CTXND1: variants seen among roughly 807,000 people sequenced by gnomAD.
CTXND1 encodes cortexin domain containing 1.
intron 1 of CTXND1, among the ~76,000 whole-genome samples, chr15:80,243,879 A>G (rs960252179): frequency 2.0e-5 from 3 of 152,152 alleles, no homozygotes; most frequent in Non-Finnish European, 4.4e-5. Flanking sequence ...ATGGAAGAGC[A>G]TTTTGAATAA....
In CTXND1 at chr15:80,241,858, A is replaced by G. The variant is rs150209466; in HGVS notation, c.-218+10149T>C. ...AGAGAAGCAGAAATACCAAAGTCCA[A>G]TTCTTCCCATCCCACCCATAGAAAA... On this transcript the variant is annotated intron_variant, in intron 1 of 2. Transcript: ENST00000560778. Among the ~76,000 whole-genome samples, 549 of 152,312 alleles carry G rather than the reference A, an allele frequency of 3.6e-3. 4 individuals carry two copies. The highest frequency in any genetic ancestry group is 0.013 in the African/African-American group (528 of 41,574).
intron 1 of CTXND1, among the ~76,000 whole-genome samples, chr15:80,243,180 G>C (rs990253775): frequency 6.6e-6 from 1 of 152,194 alleles, no homozygotes; most frequent in African/African-American, 2.4e-5. Context: ...CCAGCTTTGG[G>C]AGTCTCAGGG....
intron 1 of CTXND1, among the ~76,000 whole-genome samples, chr15:80,208,634 C>A (rs1055612253): frequency 3.3e-5 from 5 of 152,162 alleles, no homozygotes; most frequent in African/African-American, 1.2e-4. Context: ...TAGAACCATT[C>A]CTCACACCCT....
chr15:80,201,855 A>C lies in CTXND1; in HGVS notation c.95T>G (p.Met32Arg), dbSNP rs767810333. The C allele has an allele frequency of 7.5e-6, 3 of 398,768 alleles. No individual in the cohort carries two copies. Among genetic ancestry groups the C allele is most frequent in the African/African-American group, 6.2e-5 (3 of 48,652 alleles). 24.7% of individuals were successfully genotyped at this position (398,768 alleles called of 1,614,324 possible). Residue 32 changes from methionine to arginine, a missense_variant, in exon 3 of 3, where the codon ATG (methionine) becomes AGG (arginine). By Grantham distance (91) the Met-to-Arg change is moderately conservative. Transcript: ENST00000560778. ...FVFLCLFLVV[M>R]IIRCAKVIMD... ...GATGACCTTGGCACAGCGGATGATCATCACGACAAGGAAGAGGCAGAGGAA... is the reference window on the plus strand; with the variant it reads ...GATGACCTTGGCACAGCGGATGATCCTCACGACAAGGAAGAGGCAGAGGAA...
At chr15:80,212,833 A>G (rs1427907391) in intron 1 of CTXND1, among the ~76,000 whole-genome samples, 1 of 152,200 alleles carries the variant, frequency 6.6e-6, no homozygotes, top group African/African-American at 2.4e-5. Flanking sequence ...CAGAAAACAT[A>G]CTGATAAAAC....
At position 80,201,707 on chromosome 15, in the gene CTXND1, G is replaced by A. The variant is rs1433101663; in HGVS notation, c.*63C>T. ...GATGGCAGGCTGGCAGGGAACACAC[G>A]GATGCATCCTGGGGCACAGCCACCC... is the stretch of plus-strand genomic sequence containing the variant. On this transcript the variant is annotated 3_prime_UTR_variant, in exon 3 of 3. Transcript: ENST00000560778. The A allele has an allele frequency of 4.0e-5, 16 of 398,204 alleles. No homozygotes were observed. The highest frequency in any genetic ancestry group is 3.6e-5 in the East Asian group (1 of 28,100). The allele number at this position is 398,204 out of a possible 1,614,324, so 24.7% of individuals were successfully genotyped here.
Position 80,235,423 on chromosome 15 carries a change from G to A in CTXND1, c.-218+16584C>T, listed in dbSNP as rs562490994. Among the ~76,000 whole-genome samples, 10 of 152,324 alleles carry A rather than the reference G, an allele frequency of 6.6e-5. No individual in the cohort carries two copies. In the South Asian group the frequency reaches 2.1e-3, roughly 32 times the overall value. On this transcript the variant is annotated intron_variant, in intron 1 of 2. Coordinates refer to ENST00000560778, the MANE Select transcript of CTXND1 (RefSeq NM_001352888.2). ...GGTGGAGTGCTGGCCAAGATGGCTG[G>A]CATCCTTGGCTTAGCATCTCCGAAA...
intron 1 of CTXND1, among the ~76,000 whole-genome samples, chr15:80,244,013 G>A (rs1896427): frequency 1.3e-5 from 2 of 152,196 alleles, no homozygotes; most frequent in African/African-American, 4.8e-5. Context: ...GTGGAGCCCA[G>A]GGCTCAGCCA....
At chr15:80,224,298 T>G (rs1315262423) in intron 1 of CTXND1, among the ~76,000 whole-genome samples, 1 of 152,208 alleles carries the variant, frequency 6.6e-6, no homozygotes, top group Non-Finnish European at 1.5e-5. Flanking sequence ...TGAGCCCACT[T>G]AACTCCCAGA....
chr15:80,238,668 A>G (rs1893531565), intron 1 of CTXND1, among the ~76,000 whole-genome samples: 1 of 151,956 alleles, frequency 6.6e-6, no homozygotes, highest in Admixed American at 6.6e-5. Context: ...GTAGAAATGG[A>G]GTTTCACCTT....
In CTXND1 at chr15:80,200,396, A is replaced by G. The variant is rs2041442741; in HGVS notation, c.*1374T>C. ...TTGGGGTCCTCTAACAAGGAAGTAG[A>G]GGAATTGGGACTTGGGGCCGGTTTT... On this transcript the variant is annotated 3_prime_UTR_variant, in exon 3 of 3. Transcript: ENST00000560778. The G allele has an allele frequency of 6.6e-6, 1 of 152,106 alleles. No homozygotes were observed. The highest frequency in any genetic ancestry group is 1.5e-5 in the Non-Finnish European group (1 of 68,062). 9.4% of individuals were successfully genotyped at this position (152,106 alleles called of 1,614,324 possible).
intron 1 of CTXND1, among the ~76,000 whole-genome samples, chr15:80,250,867 A>G (rs979942468): frequency 6.6e-6 from 1 of 152,174 alleles, no homozygotes; most frequent in African/African-American, 2.4e-5. Context: ...GATTATTACA[A>G]TTCCTCTCAA....
chr15:80,228,994 A>G (rs1042961579), intron 1 of CTXND1, among the ~76,000 whole-genome samples: 9 of 152,118 alleles, frequency 5.9e-5, no homozygotes, highest in African/African-American at 2.2e-4. Context: ...AACATTTTGG[A>G]TTTTCAGATT....
intron 1 of CTXND1, among the ~76,000 whole-genome samples, 192 bp downstream of exon 1, chr15:80,251,815 C>A (rs1430054044): frequency 6.6e-6 from 1 of 152,032 alleles, no homozygotes; most frequent in African/African-American, 2.4e-5. Flanking sequence ...GCAGTGCCGC[C>A]GAGGAGGGGA....
intron 1 of CTXND1, among the ~76,000 whole-genome samples, chr15:80,237,396 G>C (rs1893514758): frequency 6.6e-6 from 1 of 151,588 alleles, no homozygotes; most frequent in Admixed American, 6.6e-5. Flanking sequence ...AATAGCTTCA[G>C]GCAGGTCCTT....
At chr15:80,247,417 C>G (rs1893645117) in intron 1 of CTXND1, among the ~76,000 whole-genome samples, 2 of 152,008 alleles carry the variant, frequency 1.3e-5, no homozygotes, top group African/African-American at 2.4e-5. Context: ...TTGCTGGTCT[C>G]CATTGGAGGC....
At chr15:80,216,902 A>T (rs935704757) in intron 1 of CTXND1, among the ~76,000 whole-genome samples, 1 of 152,120 alleles carries the variant, frequency 6.6e-6, no homozygotes, top group African/African-American at 2.4e-5. Flanking sequence ...GGTGTGAGCC[A>T]CCGTGCCTGG....
In CTXND1 at chr15:80,201,472, A is replaced by C. The variant is rs1595902435; in HGVS notation, c.*298T>G. 3.6e-6 allele frequency: 1 copy of C among 280,716 alleles called. No individual in the cohort carries two copies. Among genetic ancestry groups the C allele is most frequent in the Admixed American group, 5.3e-5 (1 of 18,968 alleles). 17.4% of individuals were successfully genotyped at this position (280,716 alleles called of 1,614,324 possible). A position where few individuals can be genotyped will look rare whatever the true frequency, so the allele number is the denominator to read the frequency against. The stretch of plus-strand genomic sequence containing the variant: ...CCAAAAGGTGCCCAGGAACCTGGGA[A>C]GGTGACTACCCTATCATCTCACAGG... On this transcript the variant is annotated 3_prime_UTR_variant, in exon 3 of 3. Transcript: ENST00000560778.
chr15:80,234,659 G>GTA (rs1312958290), intron 1 of CTXND1, among the ~76,000 whole-genome samples: 3 of 152,054 alleles, frequency 2.0e-5, no homozygotes, highest in Non-Finnish European at 4.4e-5. Flanking sequence ...TGTATTTTTG[G>GTA]TAGAGATGGG....
Sources: gnomAD v4.1 joint callset for allele counts (sites outside exome capture counted in the v4.1 genomes callset) on GRCh38, gnomAD v4.1.1 for gene constraint, MANE v1.5 for transcripts, NCBI Gene and HGNC (gene_info 2026-07-23, HGNC 2026-07-21) for gene names.